Variants in PTPRD observed in about 807,000 individuals in gnomAD.
PTPRD encodes receptor-type tyrosine-protein phosphatase delta.
PTPRD carries 34 observed loss-of-function variants against 214.5 expected under a neutral mutation model. The ratio of observed to expected loss-of-function variants is 0.16; its 90% confidence interval spans 0.12 to 0.21. The LOEUF (loss-of-function observed/expected upper bound fraction) is 0.21. Among genes scored for constraint, PTPRD ranks in the 10% least tolerant of loss-of-function variants. The probability of loss-of-function intolerance (pLI) is 1.00; values close to 1 mark genes in which losing one functional copy is unlikely to be tolerated. For synonymous variants in PTPRD, 1,128 were observed against 845.7 expected, an observed-to-expected ratio of 1.33 and a Z score of -5.79; for missense variants, 2,545 against 2,398.7, an observed-to-expected ratio of 1.06 and a Z score of -1.27.
At chr9:9,658,825 A>G (rs892187530) in intron 7 of PTPRD, among the ~76,000 whole-genome samples, 5 of 152,068 alleles carry the variant, frequency 3.3e-5, no homozygotes, top group Non-Finnish European at 5.9e-5. Flanking sequence ...TTTAATTGTC[A>G]CAACAATTCT....
chr9:9,148,787 A>T (rs1312083739), intron 10 of PTPRD, among the ~76,000 whole-genome samples: 1 of 152,208 alleles, frequency 6.6e-6, no homozygotes, highest in Non-Finnish European at 1.5e-5. Context: ...TCATTCAGTG[A>T]TATTTATTTC....
At chr9:9,227,157 T>A (rs2099960010) in intron 9 of PTPRD, among the ~76,000 whole-genome samples, 1 of 152,090 alleles carries the variant, frequency 6.6e-6, no homozygotes, top group Non-Finnish European at 1.5e-5. Context: ...ACATCCCCCT[T>A]TCTACCATCC....
At chr9:9,863,435 T>A (rs184175847) in intron 5 of PTPRD, among the ~76,000 whole-genome samples, 6 of 152,280 alleles carry the variant, frequency 3.9e-5, no homozygotes, top group Non-Finnish European at 5.9e-5. Context: ...GAGGGTATAG[T>A]GAACGTTGAA....
At chr9:8,601,212 A>G (rs550626274) in intron 14 of PTPRD, among the ~76,000 whole-genome samples, 1 of 152,312 alleles carries the variant, frequency 6.6e-6, no homozygotes, top group Non-Finnish European at 1.5e-5. Flanking sequence ...CTTTATTGCC[A>G]GCCCAGCCAC....
Position 8,756,986 on chromosome 9 carries a change from C to T in PTPRD, c.-103-23040G>A, listed in dbSNP as rs1219921512. On this transcript the variant is annotated intron_variant, in intron 11 of 45. Transcript: ENST00000381196. Reference sequence around the variant, plus strand: ...TGAAACCCTGTCTCTACTAAAAATACAAAAAATTAGCGGGGTATGGTGATG... The same window carrying T: ...TGAAACCCTGTCTCTACTAAAAATATAAAAAATTAGCGGGGTATGGTGATG... Among the ~76,000 whole-genome samples, 3 of 151,944 alleles carry T rather than the reference C, an allele frequency of 2.0e-5. 1 individual carries two copies. The South Asian group carries it at 6.2e-4, about 32-fold the overall frequency.
At chr9:9,073,759 T>A (rs1192322520) in intron 10 of PTPRD, among the ~76,000 whole-genome samples, 1 of 152,186 alleles carries the variant, frequency 6.6e-6, no homozygotes, top group African/African-American at 2.4e-5. Flanking sequence ...TATATGTATA[T>A]CCTATTGTGC....
In PTPRD at chr9:9,912,797, A is replaced by T. The variant is rs184424422; in HGVS notation, c.-368+25710T>A. Among the ~76,000 whole-genome samples the T allele has an allele frequency of 3.9e-5, 6 of 152,334 alleles. No individual in the cohort carries two copies. The East Asian group carries it at 1.2e-3, about 29-fold the overall frequency. ...ATGTAAAGATTTTTTTTCTTTTTGT[A>T]AACAAATGTGATTCAATAGCACTGA... On this transcript the variant is annotated intron_variant, in intron 5 of 45. Transcript: ENST00000381196.
At chr9:10,424,796 A>G (rs887907814) in intron 2 of PTPRD, among the ~76,000 whole-genome samples, 2 of 152,016 alleles carry the variant, frequency 1.3e-5, no homozygotes, top group African/African-American at 4.8e-5. Flanking sequence ...CCTGCTGGAA[A>G]TAAATAAAAA....
intron 2 of PTPRD, among the ~76,000 whole-genome samples, chr9:10,465,904 G>A (rs1037094995): frequency 1.8e-4 from 27 of 152,122 alleles, no homozygotes; most frequent in African/African-American, 6.5e-4. Flanking sequence ...CTGCTACACA[G>A]TTCCAAATAG....
intron 7 of PTPRD, among the ~76,000 whole-genome samples, chr9:9,658,648 T>C (rs1342003917): frequency 6.6e-6 from 1 of 152,170 alleles, no homozygotes. Flanking sequence ...ATGAAAATTC[T>C]GGTCACTTCT....
chr9:9,972,441 A>ATTATGGG (rs2095158259), intron 4 of PTPRD, among the ~76,000 whole-genome samples: 1 of 152,096 alleles, frequency 6.6e-6, no homozygotes, highest in Non-Finnish European at 1.5e-5. Flanking sequence ...CTATTCCCAC[A>ATTATGGG]TTACTCTTTT....
Position 9,727,697 on chromosome 9 carries a change from A to C in PTPRD, c.-287+6836T>G, listed in dbSNP as rs369812931. On this transcript the variant is annotated intron_variant, in intron 7 of 45. Coordinates refer to ENST00000381196, the MANE Select transcript of PTPRD (RefSeq NM_002839.4). Reference sequence around the variant, plus strand: ...TGCTTAATGCCAAAGAAACATGTTTAAACACTGGTAGTCCTTCTGAAATGA... The same window carrying C: ...TGCTTAATGCCAAAGAAACATGTTTCAACACTGGTAGTCCTTCTGAAATGA... Among the ~76,000 whole-genome samples the C allele has an allele frequency of 4.6e-5, 7 of 152,298 alleles. No individual in the cohort carries two copies. In the South Asian group the frequency reaches 1.4e-3, roughly 32 times the overall value.
chr9:9,490,222 G>C (rs527552009), intron 8 of PTPRD, among the ~76,000 whole-genome samples: 50 of 152,148 alleles, frequency 3.3e-4, no homozygotes, highest in African/African-American at 1.2e-3. Context: ...GCTGGAGTTT[G>C]TTACCACTAA....
intron 17 of PTPRD, 90 bp from the exon 18 acceptor site, chr9:8,525,125 C>T: frequency 3.6e-6 from 4 of 1,120,688 alleles, no homozygotes; most frequent in Non-Finnish European, 5.4e-6. Flanking sequence ...TATGAAAAGC[C>T]CTGCAAAGCG....
intron 11 of PTPRD, among the ~76,000 whole-genome samples, chr9:9,007,679 TG>T (rs2099484686): frequency 6.7e-6 from 1 of 150,142 alleles, no homozygotes; most frequent in African/African-American, 2.4e-5. Context: ...GTTATTTTTC[TG>T]GGAATTCCAT....
intron 9 of PTPRD, among the ~76,000 whole-genome samples, chr9:9,206,400 A>T (rs1302160116): frequency 6.6e-6 from 1 of 152,168 alleles, no homozygotes; most frequent in African/African-American, 2.4e-5. Context: ...CTGGAGTGAG[A>T]GTTGGGGGAG....
rs1468452096 is a variant in PTPRD at position 9,222,029 on chromosome 9, G to A, written c.-202-38666C>T. ...TTATAAAATTCATAATAAAAGCAAG[G>A]GTTAATTTTGTCCATTGTGTTGGAA... is the stretch of plus-strand genomic sequence containing the variant. On this transcript the variant is annotated intron_variant, in intron 9 of 45. Transcript: ENST00000381196. Among the ~76,000 whole-genome samples, 5 of 151,938 alleles carry A rather than the reference G, an allele frequency of 3.3e-5. No homozygotes were observed. In the East Asian group the frequency reaches 7.7e-4, roughly 24 times the overall value.
chr9:9,469,493 G>A (rs962024910), intron 8 of PTPRD, among the ~76,000 whole-genome samples: 3 of 152,218 alleles, frequency 2.0e-5, no homozygotes, highest in South Asian at 2.1e-4. Flanking sequence ...TGAGACAGAG[G>A]CTTTCTACTT....
intron 11 of PTPRD, among the ~76,000 whole-genome samples, chr9:8,824,263 G>GAT (rs1353507165): frequency 6.6e-6 from 1 of 152,122 alleles, no homozygotes; most frequent in African/African-American, 2.4e-5. Context: ...GAGTTGCTGT[G>GAT]GTTAGCACAC....
Sources: gnomAD v4.1 joint callset for allele counts (sites outside exome capture counted in the v4.1 genomes callset) on GRCh38, gnomAD v4.1.1 for gene constraint, MANE v1.5 for transcripts, NCBI Gene and HGNC (gene_info 2026-07-23, HGNC 2026-07-21) for gene names.